Variants in ZFP82 observed in about 807,000 individuals in gnomAD.
ZFP82 encodes zinc finger protein 82 homolog.
Under a neutral mutation model 54.0 loss-of-function variants are expected in ZFP82, and 30 were observed. The ratio of observed to expected loss-of-function variants is 0.56; its 90% CI spans 0.42 to 0.75. ZFP82 has a LOEUF of 0.75. Ranked by LOEUF, ZFP82 falls within the 30% of genes least tolerant of loss-of-function variation. ZFP82 has a pLI of 0.00. For missense variants in ZFP82, 500 were observed against 636.8 expected (o/e 0.79, Z 2.31); for synonymous variants, 194 against 209.5 (o/e 0.93, Z 0.64).
intron 3 of ZFP82, among the ~76,000 whole-genome samples, chr19:36,407,400 G>A (rs10420610): frequency 0.68 from 103,383 of 152,104 alleles, 35,416 homozygotes; most frequent in African/African-American, 0.76. Context: ...CAATCATAAA[G>A]GTAGGTAAAA....
chr19:36,402,965 C>T (rs1343285187), intron 4 of ZFP82, among the ~76,000 whole-genome samples: 2 of 151,658 alleles, frequency 1.3e-5, no homozygotes, highest in African/African-American at 4.8e-5. Flanking sequence ...GGTGAAACCC[C>T]AACTCTACCA....
Position 36,393,189 on chromosome 19 carries a change from T to C in ZFP82, c.1151A>G (p.His384Arg). The change falls in exon 5 of 5, where the codon CAT becomes CGT. Residue 384 changes from histidine (H) to arginine (R), a missense_variant. His to Arg is a conservative substitution (Grantham distance 29, BLOSUM62 0). Coordinates refer to ENST00000392161, the MANE Select transcript of ZFP82 (RefSeq NM_133466.4). ...TFSRGYHLIL[H>R]HRIHTGEKPY... Reference sequence around the variant, plus strand: ...TTTTTCACCAGTATGAATTCTGTGATGGAGAATAAGATGATAACCACGGCT... The same window carrying C: ...TTTTTCACCAGTATGAATTCTGTGACGGAGAATAAGATGATAACCACGGCT... 6.2e-7 allele frequency: 1 copy of C among 1,614,074 alleles called. No homozygotes were observed. Among genetic ancestry groups the C allele is most frequent in the Non-Finnish European group, 8.5e-7 (1 of 1,179,958 alleles).
At chr19:36,409,139 CA>C (rs1444641873) in intron 2 of ZFP82, among the ~76,000 whole-genome samples, 1 of 152,158 alleles carries the variant, frequency 6.6e-6, no homozygotes, top group Admixed American at 6.5e-5. Context: ...TCAGGAATTC[CA>C]AAAGATCTCA....
At chr19:36,403,194 G>C (rs963811855) in intron 4 of ZFP82, among the ~76,000 whole-genome samples, 2 of 151,016 alleles carry the variant, frequency 1.3e-5, no homozygotes, top group Non-Finnish European at 3.0e-5. Flanking sequence ...ATGGTGGCAG[G>C]CACCTGTAAT....
chr19:36,414,813 T>C (rs1198476390), intron 1 of ZFP82, among the ~76,000 whole-genome samples: 1 of 146,772 alleles, frequency 6.8e-6, no homozygotes. Flanking sequence ...TGATAAGGTA[T>C]CATATTAAAT....
intron 1 of ZFP82, among the ~76,000 whole-genome samples, chr19:36,417,465 C>T (rs1342219690): frequency 6.6e-6 from 1 of 152,120 alleles, no homozygotes; most frequent in Non-Finnish European, 1.5e-5. Flanking sequence ...AATAAGAATG[C>T]ATTTCACAGA....
intron 1 of ZFP82, among the ~76,000 whole-genome samples, chr19:36,417,596 A>G (rs2032694576): frequency 6.6e-6 from 1 of 152,182 alleles, no homozygotes; most frequent in Non-Finnish European, 1.5e-5. Context: ...TAAGGGAACC[A>G]GGCTTTTCTT....
rs372569833 is a variant in ZFP82 at position 36,402,150 on chromosome 19, T to C, written c.229+3430A>G. 2.0e-5 allele frequency among the ~76,000 whole-genome samples: 3 copies of C among 152,222 alleles called. No individual in the cohort carries two copies. The South Asian group carries it at 6.2e-4, about 32-fold the overall frequency. Reference sequence around the variant, plus strand: ...GAGTGTTAATAATTGCAAATGTCATTTAATTACCTGAATGTGAATTTTAAA... The same window carrying C: ...GAGTGTTAATAATTGCAAATGTCATCTAATTACCTGAATGTGAATTTTAAA... On this transcript the variant is annotated intron_variant, in intron 4 of 4. Transcript: ENST00000392161.
chr19:36,417,835 G>A (rs2032699071), intron 1 of ZFP82, among the ~76,000 whole-genome samples: 3 of 152,158 alleles, frequency 2.0e-5, no homozygotes, highest in African/African-American at 7.2e-5. Flanking sequence ...CGTGGGTCCG[G>A]GTCCGCGAGG....
chr19:36,397,613 T>A lies in ZFP82; in HGVS notation c.230-3503A>T, dbSNP rs374181995. ...TCTCACTCTGTCACCCAGGCTAGAG[T>A]GCAGTAGTATAATCTCGGCTCACTG... On this transcript the variant is annotated intron_variant, in intron 4 of 4. Transcript: ENST00000392161. Among the ~76,000 whole-genome samples, 11 of 152,052 alleles carry A rather than the reference T, an allele frequency of 7.2e-5. No homozygotes were observed. The East Asian group carries it at 1.7e-3, about 24-fold the overall frequency.
chr19:36,399,373 A>C (rs910729597), intron 4 of ZFP82, among the ~76,000 whole-genome samples: 7 of 152,224 alleles, frequency 4.6e-5, no homozygotes, highest in Admixed American at 4.6e-4. Context: ...GACAGTGGCA[A>C]TACACAGGGT....
chr19:36,406,741 T>C (rs1003897558), intron 3 of ZFP82, among the ~76,000 whole-genome samples: 1 of 152,252 alleles, frequency 6.6e-6, no homozygotes, highest in Non-Finnish European at 1.5e-5. Context: ...CAGGGTCGTA[T>C]CTATAGTATC....
intron 4 of ZFP82, among the ~76,000 whole-genome samples, chr19:36,398,978 G>T (rs2032342022): frequency 6.6e-6 from 1 of 152,038 alleles, no homozygotes; most frequent in South Asian, 2.1e-4. Flanking sequence ...AAAAATCAGA[G>T]GTAGAAGAAT....
intron 4 of ZFP82, among the ~76,000 whole-genome samples, chr19:36,397,282 C>A (rs948280526): frequency 6.6e-6 from 1 of 151,740 alleles, no homozygotes; most frequent in Admixed American, 6.6e-5. Flanking sequence ...TTACTAGAGA[C>A]GGGTTTCATC....
intron 4 of ZFP82, among the ~76,000 whole-genome samples, chr19:36,403,386 T>G (rs78736301): frequency 0.68 from 96,020 of 141,998 alleles, 32,803 homozygotes; most frequent in African/African-American, 0.76. Context: ...CACCTTGGGA[T>G]CCAGCGGGTG....
intron 1 of ZFP82, among the ~76,000 whole-genome samples, chr19:36,410,229 A>T (rs968729174): frequency 6.6e-6 from 1 of 152,158 alleles, no homozygotes; most frequent in African/African-American, 2.4e-5. Context: ...TTGCAGCCAG[A>T]ACAACTTTCA....
At chr19:36,403,718 TAG>T (rs571709891) in intron 4 of ZFP82, among the ~76,000 whole-genome samples, 10 of 152,064 alleles carry the variant, frequency 6.6e-5, no homozygotes, top group Non-Finnish European at 1.5e-4. Flanking sequence ...TCATTCTCTC[TAG>T]AGTCTATTAT....
Position 36,393,627 on chromosome 19 carries a change from C to G in ZFP82, c.713G>C (p.Gly238Ala). 6.2e-7 allele frequency: 1 copy of G among 1,614,082 alleles called. No homozygotes were observed. The highest frequency in any genetic ancestry group is 8.5e-7 in the Non-Finnish European group (1 of 1,180,022). Residue 238 changes from glycine (G) to alanine (A), a missense_variant, in exon 5 of 5, where the codon GGT (glycine) becomes GCT (alanine). Coordinates refer to ENST00000392161, the MANE Select transcript of ZFP82 (RefSeq NM_133466.4). ...TTTCTGATGTACTCTAAGATCTGCA[C>G]CACATATGAAAGCTTCCCCACATTC... is the stretch of plus-strand genomic sequence containing the variant. ...CKECGEAFIC[G>A]ADLRVHQKMH...
At position 36,389,525 on chromosome 19, in the gene ZFP82, G is replaced by T; in HGVS notation, c.*3216C>A. ...TTTAAGTATTTAAAAGTAAATCACA[G>T]GCATAACATTTCAGCCTTAAATACC... is the stretch of plus-strand genomic sequence containing the variant. On this transcript the variant is annotated 3_prime_UTR_variant, in exon 5 of 5. Transcript: ENST00000392161. Among the ~76,000 whole-genome samples, 1 of 151,996 alleles carries T rather than the reference G, an allele frequency of 6.6e-6. No homozygotes were observed. The highest frequency in any genetic ancestry group is 2.4e-5 in the African/African-American group (1 of 41,386).
Sources: allele counts gnomAD v4.1 joint callset (sites outside exome capture counted in the v4.1 genomes callset), GRCh38; gene constraint gnomAD v4.1.1; transcripts MANE v1.5; gene names NCBI Gene and HGNC (gene_info 2026-07-23, HGNC 2026-07-21).